Variants in SAMSN1 observed in about 807,000 individuals in gnomAD.
SAMSN1 encodes SAM domain, SH3 domain and nuclear localization signals 1.
Under a neutral mutation model 42.0 loss-of-function variants are expected in SAMSN1, and 31 were observed. The ratio of observed to expected loss-of-function variants is 0.74; its 90% CI spans 0.55 to 1.00. The LOEUF (loss-of-function observed/expected upper bound fraction) is 1.00. Among genes scored for constraint, SAMSN1 ranks in the 50% least tolerant of loss-of-function variants. SAMSN1 has a pLI of 0.00. For missense variants in SAMSN1, 464 were observed against 439.4 expected (o/e 1.06, Z -0.50); for synonymous variants, 178 against 151.9 (o/e 1.17, Z -1.26).
At chr21:14,612,896 A>T in exon 4 of SAMSN1, 1 of 707,806 alleles carries the variant, frequency 1.4e-6, no homozygotes, top group South Asian at 1.5e-5. Context: ...ATTTTCAGAC[A>T]TAAATCTCCG....
chr21:14,578,836 T>C (rs1371039708), intron 2 of SAMSN1, among the ~76,000 whole-genome samples: 1 of 152,134 alleles, frequency 6.6e-6, no homozygotes, highest in Non-Finnish European at 1.5e-5. Context: ...TCTTGGCACG[T>C]ATATTTTTAA....
In SAMSN1 at chr21:14,555,045, C is replaced by A. The variant is rs77587962; in HGVS notation, c.261+27091G>T. On this transcript the variant is annotated intron_variant, in intron 2 of 8. Transcript: ENST00000285670. The stretch of plus-strand genomic sequence containing the variant: ...CCCTCAAATGACAGTTTCTGGAGTT[C>A]TTTTCTTTGAGACTATTCAGGTCTG... 4.9e-3 allele frequency among the ~76,000 whole-genome samples: 752 copies of A among 152,246 alleles called. 4 individuals carry two copies. The highest frequency in any genetic ancestry group is 0.017 in the African/African-American group (721 of 41,548).
intron 7 of SAMSN1, chr21:14,592,620 C>A: frequency 2.6e-6 from 1 of 379,298 alleles, no homozygotes; most frequent in Non-Finnish European, 5.6e-6. Flanking sequence ...TCTTTTGTTA[C>A]TTTACATAAA....
At chr21:14,533,793 CATT>C (rs1410011160) in intron 1 of SAMSN1, among the ~76,000 whole-genome samples, 12 of 152,318 alleles carry the variant, frequency 7.9e-5, no homozygotes, top group African/African-American at 2.9e-4. Context: ...GACACCAGAT[CATT>C]GCTGGAAGTT....
At chr21:14,550,617 C>T (rs548582585), upstream of SAMSN1, among the ~76,000 whole-genome samples, 3 of 152,158 alleles carry the variant, frequency 2.0e-5, no homozygotes, top group East Asian at 1.9e-4. Flanking sequence ...CTTATAAGAC[C>T]CTGCCTGAGT....
chr21:14,585,925 A>G (rs1199651905), upstream of SAMSN1, among the ~76,000 whole-genome samples: 1 of 152,128 alleles, frequency 6.6e-6, no homozygotes, highest in African/African-American at 2.4e-5. Flanking sequence ...TTATTATAAA[A>G]GGTATAGAAT....
At chr21:14,521,893 G>A (rs1380919358) in intron 1 of SAMSN1, among the ~76,000 whole-genome samples, 1 of 135,460 alleles carries the variant, frequency 7.4e-6, no homozygotes, top group Non-Finnish European at 1.7e-5. Context: ...AAAAGACCAA[G>A]TTTGTTTAAA....
intron 6 of SAMSN1, among the ~76,000 whole-genome samples, chr21:14,498,835 CA>C (rs1263469562): frequency 6.6e-6 from 1 of 152,218 alleles, no homozygotes; most frequent in Non-Finnish European, 1.5e-5. Flanking sequence ...TTAAGCTATA[CA>C]ATTCCAAATC....
In SAMSN1 at chr21:14,512,447, A is replaced by G; in HGVS notation, c.406T>C (p.Ser136Pro). 1 of 1,613,718 alleles carries G rather than the reference A, an allele frequency of 6.2e-7. No individual in the cohort carries two copies. Among genetic ancestry groups the G allele is most frequent in the East Asian group, 2.2e-5 (1 of 44,872 alleles). Residue 136 changes from serine to proline, a missense_variant, in exon 4 of 8, where the codon TCA becomes CCA. Transcript: ENST00000400566. Reference sequence around the variant, plus strand: ...GTCCCTGATTCATTAGCCTTACTTGATGAGCTCTGTCCACTGTAGAGACTA... The same window carrying G: ...GTCCCTGATTCATTAGCCTTACTTGGTGAGCTCTGTCCACTGTAGAGACTA... Reference protein sequence around the residue: ...MDSLYSGQSSSSGITSCSDGT... With the variant: ...MDSLYSGQSSPSGITSCSDGT...
chr21:14,587,819 C>A (rs1296844360), upstream of SAMSN1, among the ~76,000 whole-genome samples: 1 of 150,590 alleles, frequency 6.6e-6, no homozygotes. Context: ...GCACATTGTG[C>A]AGGTTAGTTA....
At chr21:14,540,184 A>G (rs919449954) in intron 1 of SAMSN1, among the ~76,000 whole-genome samples, 2 of 152,258 alleles carry the variant, frequency 1.3e-5, no homozygotes, top group African/African-American at 4.8e-5. Flanking sequence ...AAAACCATAA[A>G]AATCCTAGAA....
intron 2 of SAMSN1, among the ~76,000 whole-genome samples, chr21:14,634,019 A>G (rs1441556836): frequency 6.6e-6 from 1 of 152,170 alleles, no homozygotes; most frequent in Non-Finnish European, 1.5e-5. Flanking sequence ...GTAAGTGTAT[A>G]AAAAATTAAA....
At chr21:14,546,958 C>T (rs1980426897), upstream of SAMSN1, among the ~76,000 whole-genome samples, 3 of 152,088 alleles carry the variant, frequency 2.0e-5, 1 homozygote, top group South Asian at 4.1e-4. Context: ...ATCCGCCCAC[C>T]TCAGCCTCCC....
At chr21:14,607,725 A>T (rs1163870666) in intron 5 of SAMSN1, among the ~76,000 whole-genome samples, 1 of 152,218 alleles carries the variant, frequency 6.6e-6, no homozygotes, top group Non-Finnish European at 1.5e-5. Context: ...CGTGCCTATT[A>T]TTCCCAAATT....
At chr21:14,572,168 T>A (rs1981322267) in intron 2 of SAMSN1, among the ~76,000 whole-genome samples, 1 of 152,180 alleles carries the variant, frequency 6.6e-6, no homozygotes, top group Admixed American at 6.6e-5. Flanking sequence ...TATAATTAAA[T>A]GATAAAAATT....
At chr21:14,587,502 T>C (rs150349904), upstream of SAMSN1, among the ~76,000 whole-genome samples, 1 of 152,178 alleles carries the variant, frequency 6.6e-6, no homozygotes, top group South Asian at 2.1e-4. Flanking sequence ...AACTCCTATA[T>C]GCTGACACCT....
intron 2 of SAMSN1, among the ~76,000 whole-genome samples, chr21:14,639,831 G>T (rs1374656235): frequency 6.6e-6 from 1 of 152,014 alleles, no homozygotes; most frequent in South Asian, 2.1e-4. Flanking sequence ...AATACTTTAT[G>T]CCTTTCCTAA....
intron 1 of SAMSN1, among the ~76,000 whole-genome samples, chr21:14,539,248 T>C (rs571819106): frequency 1.8e-4 from 27 of 152,162 alleles, no homozygotes; most frequent in Non-Finnish European, 3.2e-4. Context: ...AGGGATGCCC[T>C]CTCTCACCAC....
At chr21:14,507,688 A>C (rs1987476538) in intron 5 of SAMSN1, among the ~76,000 whole-genome samples, 1 of 152,218 alleles carries the variant, frequency 6.6e-6, no homozygotes. Context: ...TCACAGAATT[A>C]GAAAAAACAA....
Sources: gnomAD v4.1 joint callset for allele counts (sites outside exome capture counted in the v4.1 genomes callset) on GRCh38, gnomAD v4.1.1 for gene constraint, MANE v1.5 for transcripts, NCBI Gene and HGNC (gene_info 2026-07-23, HGNC 2026-07-21) for gene names.